ARHGAP24: variants seen among roughly 807,000 people sequenced by gnomAD.
ARHGAP24 encodes the protein Rho GTPase activating protein 24.
ARHGAP24 carries 50 observed loss-of-function variants against 76.4 expected under a neutral mutation model. That is an observed-to-expected ratio of 0.65 (90% confidence interval 0.52 to 0.83). The LOEUF is 0.83. Among genes scored for constraint, ARHGAP24 ranks in the 40% least tolerant of loss-of-function variants. The pLI is 0.00. For missense variants in ARHGAP24, 930 were observed against 914.2 expected (o/e 1.02, Z -0.22); for synonymous variants, 345 against 323.3 (o/e 1.07, Z -0.72).
chr4:85,668,301 G>A (rs1271825918), intron 2 of ARHGAP24, among the ~76,000 whole-genome samples: 1 of 152,164 alleles, frequency 6.6e-6, no homozygotes, highest in African/African-American at 2.4e-5. Context: ...AACAGAAAAT[G>A]CTAAACAGCT....
intron 5 of ARHGAP24, among the ~76,000 whole-genome samples, chr4:85,947,533 G>A (rs1465808134): frequency 6.6e-6 from 1 of 152,090 alleles, no homozygotes; most frequent in Non-Finnish European, 1.5e-5. Context: ...ATGAATTTGG[G>A]GGAACACAAG....
At chr4:85,630,481 A>C (rs1721123251) in intron 2 of ARHGAP24, among the ~76,000 whole-genome samples, 1 of 152,136 alleles carries the variant, frequency 6.6e-6, no homozygotes, top group Non-Finnish European at 1.5e-5. Context: ...TGTAGTCTTT[A>C]CAGATTGGCT....
chr4:85,907,270 C>T (rs1039884660), intron 3 of ARHGAP24, among the ~76,000 whole-genome samples: 2 of 151,994 alleles, frequency 1.3e-5, no homozygotes, highest in Non-Finnish European at 2.9e-5. Context: ...CCTGTAACTG[C>T]CAACTTAAAA....
intron 5 of ARHGAP24, among the ~76,000 whole-genome samples, chr4:85,951,746 G>T (rs1340128712): frequency 6.6e-6 from 1 of 152,052 alleles, no homozygotes; most frequent in African/African-American, 2.4e-5. Context: ...TCTCACCAAA[G>T]AGTCAATAAG....
At chr4:85,862,468 C>A (rs974470106) in intron 3 of ARHGAP24, among the ~76,000 whole-genome samples, 1 of 151,984 alleles carries the variant, frequency 6.6e-6, no homozygotes, top group African/African-American at 2.4e-5. Flanking sequence ...GCACATACTC[C>A]TAAGTTAGGT....
chr4:85,527,193 A>G (rs917463865), intron 1 of ARHGAP24, among the ~76,000 whole-genome samples: 1 of 152,154 alleles, frequency 6.6e-6, no homozygotes, highest in Non-Finnish European at 1.5e-5. Flanking sequence ...CTGAGGCTGT[A>G]TCTCATTAAT....
intron 2 of ARHGAP24, among the ~76,000 whole-genome samples, chr4:85,687,701 A>C (rs894896997): frequency 1.3e-5 from 2 of 152,160 alleles, no homozygotes; most frequent in African/African-American, 4.8e-5. Flanking sequence ...TTGTATTGTG[A>C]ACAGTGATGA....
chr4:85,601,373 T>C (rs951610362), intron 2 of ARHGAP24, among the ~76,000 whole-genome samples: 1 of 152,220 alleles, frequency 6.6e-6, no homozygotes, highest in African/African-American at 2.4e-5. Context: ...ACTATTTTCC[T>C]GGTATTATAT....
intron 2 of ARHGAP24, among the ~76,000 whole-genome samples, chr4:85,705,593 GT>G (rs1450332186): frequency 6.6e-6 from 1 of 151,996 alleles, no homozygotes; most frequent in Non-Finnish European, 1.5e-5. Context: ...ATTTTTTCGT[GT>G]GCTTACCACA....
intron 9 of ARHGAP24, among the ~76,000 whole-genome samples, chr4:85,996,290 G>A (rs193063293): frequency 6.6e-6 from 1 of 152,316 alleles, no homozygotes. Context: ...GTGACGTGAA[G>A]TATGTTCACA....
At chr4:85,828,658 G>C (rs1298947651) in intron 3 of ARHGAP24, among the ~76,000 whole-genome samples, 1 of 152,054 alleles carries the variant, frequency 6.6e-6, no homozygotes, top group African/African-American at 2.4e-5. Flanking sequence ...GTGTACACAG[G>C]ACAATACAAC....
At chr4:85,836,257 A>T (rs1387605000) in intron 3 of ARHGAP24, among the ~76,000 whole-genome samples, 1 of 152,188 alleles carries the variant, frequency 6.6e-6, no homozygotes, top group Non-Finnish European at 1.5e-5. Flanking sequence ...TGTCCTTGAT[A>T]ACAGTACCTG....
intron 2 of ARHGAP24, among the ~76,000 whole-genome samples, chr4:85,611,651 C>G (rs1022176203): frequency 6.6e-6 from 1 of 152,186 alleles, no homozygotes; most frequent in African/African-American, 2.4e-5. Flanking sequence ...TCCATGAACC[C>G]GATCCCTTCC....
chr4:85,564,942 ATATATATATATATATATATATATATATAC>A (rs1241625761), intron 1 of ARHGAP24, among the ~76,000 whole-genome samples: 2 of 100,546 alleles, frequency 2.0e-5, no homozygotes, highest in African/African-American at 1.0e-4. Context: ...ATATATATAT[ATATATATATATATATATATATATATATAC>A]CCACACCCAC....
Position 85,995,287 on chromosome 4 carries a change from G to A in ARHGAP24, c.1633G>A (p.Asp545Asn), listed in dbSNP as rs1560774439. 16 of 1,613,896 alleles carry A rather than the reference G, an allele frequency of 9.9e-6. No individual in the cohort carries two copies. Among genetic ancestry groups the A allele is most frequent in the African/African-American group, 1.3e-5 (1 of 74,874 alleles). Residue 545 changes from aspartate to asparagine, a missense_variant, in exon 9 of 10, where the codon GAT (aspartate) becomes AAT (asparagine). Physicochemically the swap from Asp to Asn is conservative, Grantham distance 23 (BLOSUM62 1). Transcript: ENST00000395184. ...VHQQFSMMNLDDKQSIDSATW... is the reference protein window; with the variant it reads ...VHQQFSMMNLNDKQSIDSATW... ...TCAACAGTTCTCCATGATGAACCTT[G>A]ATGACAAGCAGAGCATTGACAGTGC...
intron 3 of ARHGAP24, among the ~76,000 whole-genome samples, chr4:85,889,716 C>T (rs1654755609): frequency 6.6e-6 from 1 of 152,152 alleles, no homozygotes; most frequent in Non-Finnish European, 1.5e-5. Context: ...AACATTAATT[C>T]TCCTGAAATT....
chr4:85,711,385 T>G (rs148779326), intron 2 of ARHGAP24, among the ~76,000 whole-genome samples: 9 of 152,272 alleles, frequency 5.9e-5, no homozygotes, highest in South Asian at 2.1e-4. Flanking sequence ...ACTTAAAAAA[T>G]CAACCTTATA....
At chr4:85,609,849 C>A (rs766565315) in intron 2 of ARHGAP24, among the ~76,000 whole-genome samples, 16 of 152,180 alleles carry the variant, frequency 1.1e-4, no homozygotes, top group Non-Finnish European at 1.8e-4. Context: ...ATTCAAAATT[C>A]TTTCTCATAG....
At chr4:85,886,934 A>G (rs986840762) in intron 3 of ARHGAP24, among the ~76,000 whole-genome samples, 1 of 152,148 alleles carries the variant, frequency 6.6e-6, no homozygotes, top group African/African-American at 2.4e-5. Context: ...ATTTTATTAT[A>G]TATAAGCTGT....
Sources: allele counts gnomAD v4.1 joint callset (sites outside exome capture counted in the v4.1 genomes callset), GRCh38; gene constraint gnomAD v4.1.1; transcripts MANE v1.5; gene names NCBI Gene and HGNC (gene_info 2026-07-23, HGNC 2026-07-21).